The following GNAI3 variants were observed in gnomAD, a reference collection of about 807,000 sequenced individuals.
GNAI3 encodes the protein G protein subunit alpha i3, also known as guanine nucleotide-binding protein G(i) subunit alpha-3.
Under a neutral mutation model 41.8 loss-of-function variants are expected in GNAI3, and 12 were observed. The observed-to-expected ratio is 0.29, with a 90% confidence interval of 0.18 to 0.47. The LOEUF (loss-of-function observed/expected upper bound fraction) is 0.47, where lower values mean the gene tolerates loss of function less well. Ranked by LOEUF, GNAI3 falls within the 20% of genes least tolerant of loss-of-function variation. The pLI is 1.00. For missense variants in GNAI3, 360 were observed against 429.6 expected, an observed-to-expected ratio of 0.84 and a Z score of 1.43; for synonymous variants, 132 against 146.5, an observed-to-expected ratio of 0.90 and a Z score of 0.71.
intron 3 of GNAI3, among the ~76,000 whole-genome samples, chr1:109,574,422 A>C (rs1446155939): frequency 6.6e-6 from 1 of 152,114 alleles, no homozygotes; most frequent in Non-Finnish European, 1.5e-5. Flanking sequence ...AAAGGCCAAA[A>C]TCAGTCTCCC....
At chr1:109,585,243 T>C (rs558093069) in intron 5 of GNAI3, among the ~76,000 whole-genome samples, 4 of 152,330 alleles carry the variant, frequency 2.6e-5, no homozygotes, top group Non-Finnish European at 5.9e-5. Context: ...AAGTATCAGC[T>C]AAAACACAAA....
chr1:109,548,961 G>A (rs1647903195), intron 1 of GNAI3, 123 bp downstream of exon 1: 1 of 639,618 alleles, frequency 1.6e-6, no homozygotes, highest in Non-Finnish European at 2.8e-6. Context: ...CGTGCCGGGC[G>A]TGGGGCGGGG....
intron 1 of GNAI3, among the ~76,000 whole-genome samples, chr1:109,562,761 A>G (rs1648348422): frequency 6.6e-6 from 1 of 152,094 alleles, no homozygotes; most frequent in Admixed American, 6.5e-5. Context: ...GCTGCTATCG[A>G]TGTTAGAGGG....
intron 3 of GNAI3, among the ~76,000 whole-genome samples, chr1:109,574,834 A>C (rs866018460): frequency 6.6e-6 from 1 of 152,228 alleles, no homozygotes; most frequent in South Asian, 2.1e-4. Context: ...ATGGCGAAAT[A>C]AAAGGAAATG....
intron 1 of GNAI3, among the ~76,000 whole-genome samples, chr1:109,549,922 T>A (rs1647939302): frequency 6.6e-6 from 1 of 152,226 alleles, no homozygotes; most frequent in Non-Finnish European, 1.5e-5. Context: ...GGCATTAGCT[T>A]ACTAATAAAT....
chr1:109,584,245 G>A (rs1289758564), intron 5 of GNAI3, among the ~76,000 whole-genome samples: 1 of 152,084 alleles, frequency 6.6e-6, no homozygotes, highest in African/African-American at 2.4e-5. Context: ...TTTTCCTGGT[G>A]CAGGAAAATA....
At chr1:109,560,574 A>C (rs1200445003) in intron 1 of GNAI3, among the ~76,000 whole-genome samples, 1 of 152,122 alleles carries the variant, frequency 6.6e-6, no homozygotes, top group African/African-American at 2.4e-5. Flanking sequence ...CTCTACAAAA[A>C]ATTTGACAGA....
chr1:109,566,590 T>C (rs1648459982), intron 1 of GNAI3, among the ~76,000 whole-genome samples: 1 of 152,204 alleles, frequency 6.6e-6, no homozygotes, highest in African/African-American at 2.4e-5. Context: ...GAGATGGAGT[T>C]TGCTCTTGTT....
intron 1 of GNAI3, among the ~76,000 whole-genome samples, chr1:109,560,043 A>G (rs1159272516): frequency 6.6e-6 from 1 of 152,218 alleles, no homozygotes; most frequent in African/African-American, 2.4e-5. Flanking sequence ...TTATACCTGA[A>G]TAGTGGTCTA....
chr1:109,558,860 G>A (rs1648229771), intron 1 of GNAI3, among the ~76,000 whole-genome samples: 1 of 151,984 alleles, frequency 6.6e-6, no homozygotes, highest in Admixed American at 6.6e-5. Context: ...AAGGGAGTGG[G>A]AAAGAAGGGA....
At chr1:109,557,653 A>C (rs571962953) in intron 1 of GNAI3, among the ~76,000 whole-genome samples, 3 of 152,140 alleles carry the variant, frequency 2.0e-5, no homozygotes, top group African/African-American at 2.4e-5. Flanking sequence ...GCCTCCCCCG[A>C]GTCTTCAACT....
At chr1:109,558,307 C>T (rs1279175238) in intron 1 of GNAI3, among the ~76,000 whole-genome samples, 1 of 152,162 alleles carries the variant, frequency 6.6e-6, no homozygotes, top group African/African-American at 2.4e-5. Flanking sequence ...CCTGTAATCC[C>T]AGCTACTTGG....
At chr1:109,569,395 ATC>A (rs1393063117) in intron 1 of GNAI3, among the ~76,000 whole-genome samples, 2 of 152,230 alleles carry the variant, frequency 1.3e-5, no homozygotes, top group East Asian at 3.8e-4. Context: ...GGGCAACTGA[ATC>A]TCTCCTTAAA....
Position 109,598,291 on chromosome 1 carries a change from A to C in GNAI3, c.*5969A>C, listed in dbSNP as rs1284629728. On this transcript the variant is annotated 3_prime_UTR_variant, in exon 9 of 9. Coordinates refer to ENST00000369851, the MANE Select transcript of GNAI3 (RefSeq NM_006496.4). ...TAGGATAAAGGTCCTGAGACCTCTCAGAATCTTACGAGGTTGGAGAGTTGT... is the reference window on the plus strand; with the variant it reads ...TAGGATAAAGGTCCTGAGACCTCTCCGAATCTTACGAGGTTGGAGAGTTGT... The C allele has an allele frequency of 1.3e-5, 2 of 152,332 alleles. No homozygotes were observed. Among genetic ancestry groups the C allele is most frequent in the African/African-American group, 2.4e-5 (1 of 41,474 alleles). 9.4% of individuals were successfully genotyped at this position (152,332 alleles called of 1,614,324 possible).
intron 7 of GNAI3, among the ~76,000 whole-genome samples, chr1:109,590,754 T>C (rs528919291): frequency 1.1e-3 from 171 of 152,122 alleles, no homozygotes; most frequent in African/African-American, 4.1e-3. Flanking sequence ...TTAGTAGAGA[T>C]GTGGTTTCAC....
rs550616095 is a variant in GNAI3 at position 109,551,464 on chromosome 1, A to G, written c.118+2626A>G. Reference sequence around the variant, plus strand: ...TACCCTGTGTCTCCTGACACATGATATATTTTCTTTCTTATGGGGGTGTAG... The same window carrying G: ...TACCCTGTGTCTCCTGACACATGATGTATTTTCTTTCTTATGGGGGTGTAG... On this transcript the variant is annotated intron_variant, in intron 1 of 8. Transcript: ENST00000369851. Among the ~76,000 whole-genome samples, 16 of 152,286 alleles carry G rather than the reference A, an allele frequency of 1.1e-4. No individual in the cohort carries two copies. The South Asian group carries it at 3.1e-3, about 30-fold the overall frequency.
chr1:109,582,443 A>C lies in GNAI3; in HGVS notation c.468A>C (p.Leu156=). ...AAACGTGTCTTTTATTTAGTTATCT[A>C]AATGATCTGGATAGAATATCCCAGT... ...YQLNDSASYY[L]NDLDRISQSN... is the part of the protein sequence containing the mutation. Residue 156 remains leucine (L), a synonymous_variant, in exon 5 of 9, where the codon CTA becomes CTC. Coordinates refer to ENST00000369851, the MANE Select transcript of GNAI3 (RefSeq NM_006496.4). 1 of 1,607,348 alleles carries C rather than the reference A, an allele frequency of 6.2e-7. No homozygotes were observed. The highest frequency in any genetic ancestry group is 8.5e-7 in the Non-Finnish European group (1 of 1,174,066).
chr1:109,555,977 T>TGCGTGCGTGCGC (rs57566912), intron 1 of GNAI3, among the ~76,000 whole-genome samples: 2 of 149,004 alleles, frequency 1.3e-5, no homozygotes, highest in Non-Finnish European at 3.0e-5. Flanking sequence ...TGTGTGTGTG[T>TGCGTGCGTGCGC]GTGTGTGTGT....
intron 5 of GNAI3, among the ~76,000 whole-genome samples, chr1:109,584,590 C>T (rs1648990725): frequency 6.6e-6 from 1 of 152,142 alleles, no homozygotes; most frequent in Non-Finnish European, 1.5e-5. Context: ...TTATGAAGTA[C>T]TATCATTTCT....
Sources: allele counts gnomAD v4.1 joint callset (sites outside exome capture counted in the v4.1 genomes callset), GRCh38; gene constraint gnomAD v4.1.1; transcripts MANE v1.5; gene names NCBI Gene and HGNC (gene_info 2026-07-23, HGNC 2026-07-21).